The following FAM135A variants were observed in gnomAD, a reference collection of about 807,000 sequenced individuals.
FAM135A encodes the protein family with sequence similarity 135 member A.
A neutral mutation model predicts 146.8 loss-of-function variants in FAM135A; 79 were observed. That is an observed-to-expected ratio of 0.54 (90% CI 0.45 to 0.65). FAM135A has a LOEUF of 0.65. Among genes scored for constraint, FAM135A ranks in the 30% least tolerant of loss-of-function variants. The pLI is 0.00. For synonymous variants in FAM135A, 562 were observed against 603.6 expected, an observed-to-expected ratio of 0.93 and a Z score of 1.01; for missense variants, 1,623 against 1,758.2, an observed-to-expected ratio of 0.92 and a Z score of 1.38.
At chr6:70,444,409 AT>A (rs1161033673) in intron 4 of FAM135A, among the ~76,000 whole-genome samples, 6 of 81,558 alleles carry the variant, frequency 7.4e-5, no homozygotes, top group South Asian at 5.9e-4. Context: ...TCTCAAAAAA[AT>A]AAATAAATAA....
At chr6:70,435,109 A>ATATATATATAT (rs1476331313) in intron 4 of FAM135A, among the ~76,000 whole-genome samples, 1 of 64,748 alleles carries the variant, frequency 1.5e-5, no homozygotes, top group Non-Finnish European at 3.5e-5. Flanking sequence ...ATATATATAT[A>ATATATATATAT]TTTTTTTTTT....
chr6:70,480,784 C>A, intron 8 of FAM135A, 117 bp from the exon 9 acceptor site: 1 of 916,072 alleles, frequency 1.1e-6, no homozygotes, highest in Non-Finnish European at 1.5e-6. Flanking sequence ...TACTTTTGAA[C>A]TTATAAACTT....
rs747626293 is a variant in FAM135A at position 70,526,038 on chromosome 6, C to T, written c.2954C>T (p.Ser985Phe). ...GTPCVISGSI[S>F]SNTDVSEDRT... is the part of the protein sequence containing the mutation. ...CCTTGTGTCATTTCAGGTTCCATTT[C>T]TAGTAATACAGATGTTAGTGAAGAT... Residue 985 changes from serine (S) to phenylalanine (F), a missense_variant, in exon 15 of 22, where the codon TCT (serine) becomes TTT (phenylalanine). This residue lies in a region of FAM135A where 1,061 missense variants were observed against 1,113.8 expected (regional missense o/e 0.95). Transcript: ENST00000418814. The T allele has an allele frequency of 1.4e-5, 22 of 1,611,806 alleles. No homozygotes were observed. The highest frequency in any genetic ancestry group is 1.7e-5 in the Non-Finnish European group (20 of 1,179,240).
At chr6:70,530,400 TGAA>T (rs902408944) in intron 16 of FAM135A, among the ~76,000 whole-genome samples, 12 of 152,182 alleles carry the variant, frequency 7.9e-5, no homozygotes, top group Non-Finnish European at 1.5e-4. Context: ...ACTTTTAAAA[TGAA>T]GAATAAAAGA....
chr6:70,490,913 AAATTT>A (rs1334349558), intron 10 of FAM135A, 116 bp from the exon 11 acceptor site: 1 of 533,814 alleles, frequency 1.9e-6, no homozygotes, highest in African/African-American at 2.0e-5. Context: ...TGTTACCTTG[AAATTT>A]AATTCATTGA....
In FAM135A at chr6:70,526,496, C is replaced by A. The variant is rs1794713266; in HGVS notation, c.3412C>A (p.Leu1138Met). 3 of 1,613,436 alleles carry A rather than the reference C, an allele frequency of 1.9e-6. No homozygotes were observed. Among genetic ancestry groups the A allele is most frequent in the Non-Finnish European group, 2.5e-6 (3 of 1,179,710 alleles). Reference sequence around the variant, plus strand: ...ATCTGAAAAAATAAACAGTGACTATCTGAGAGATGGTATAAACATGCCTAC... The same window carrying A: ...ATCTGAAAAAATAAACAGTGACTATATGAGAGATGGTATAAACATGCCTAC... Reference protein sequence around the residue: ...TKSEKINSDYLRDGINMPTVC... With the variant: ...TKSEKINSDYMRDGINMPTVC... The change falls in exon 15 of 22, where the codon CTG (leucine) becomes ATG (methionine). Residue 1138 changes from leucine (L) to methionine (M), a missense_variant. Leu to Met is a conservative substitution (Grantham distance 15). Around this residue, in one of 7 missense-constraint regions of FAM135A, gnomAD observed 1,061 missense variants for 1,113.8 expected, o/e 0.95. Coordinates refer to ENST00000418814, the MANE Select transcript of FAM135A (RefSeq NM_001162529.3).
intron 1 of FAM135A, 184 bp downstream of exon 1, chr6:70,413,886 G>A: frequency 1.0e-6 from 1 of 985,410 alleles, no homozygotes; most frequent in Non-Finnish European, 1.2e-6. Context: ...AAGGTCGGTG[G>A]GGACGGCGGT....
chr6:70,452,476 G>T lies in FAM135A; in HGVS notation c.78-16G>T. The T allele has an allele frequency of 6.3e-7, 1 of 1,578,012 alleles. No homozygotes were observed. The highest frequency in any genetic ancestry group is 8.6e-7 in the Non-Finnish European group (1 of 1,160,502). ...AAATATGTTTTGAAATAACTTCCTTGTTTATTTTGCTTTAGTTTTTACCAG... is the reference window on the plus strand; with the variant it reads ...AAATATGTTTTGAAATAACTTCCTTTTTTATTTTGCTTTAGTTTTTACCAG... On this transcript the variant is annotated splice_polypyrimidine_tract_variant and intron_variant, in intron 4 of 21. Transcript: ENST00000418814.
chr6:70,504,324 T>C (rs1789230733), intron 12 of FAM135A: 1 of 152,232 alleles, frequency 6.6e-6, no homozygotes, highest in Admixed American at 6.5e-5. Flanking sequence ...ATAACTTTTT[T>C]CTTCTTTATT....
chr6:70,503,470 A>G (rs989304892), intron 12 of FAM135A: 15 of 152,132 alleles, frequency 9.9e-5, no homozygotes, highest in Non-Finnish European at 1.6e-4. Flanking sequence ...CATAACACAT[A>G]AAGTCAGAAA....
chr6:70,512,349 C>T (rs951077750), intron 12 of FAM135A, among the ~76,000 whole-genome samples: 6 of 151,802 alleles, frequency 4.0e-5, no homozygotes, highest in African/African-American at 1.4e-4. Context: ...TTTTTGTGAA[C>T]ATAAGTTTTT....
In FAM135A at chr6:70,477,210, G is replaced by A. The variant is rs1162528082; in HGVS notation, c.420G>A (p.Leu140=). ...TAATAAGTAGCCGAACATTGAAGCT[G>A]CACTTTAGCCCCCATAGAGGCCTTC... The part of the protein sequence containing the change: ...LQLISSRTLK[L]HFSPHRGLHH... The change falls in exon 8 of 22, where the codon CTG becomes CTA. Residue 140 remains leucine, a synonymous_variant. Transcript: ENST00000418814. 1 of 1,613,414 alleles carries A rather than the reference G, an allele frequency of 6.2e-7. No individual in the cohort carries two copies. Among genetic ancestry groups the A allele is most frequent in the Admixed American group, 1.7e-5 (1 of 59,946 alleles).
At chr6:70,542,038 C>A (rs758916857) in intron 20 of FAM135A, among the ~76,000 whole-genome samples, 2 of 152,092 alleles carry the variant, frequency 1.3e-5, no homozygotes, top group South Asian at 2.1e-4. Context: ...ATGTATACCC[C>A]CTTCTCCCCA....
chr6:70,426,924 A>G (rs1050425677), intron 3 of FAM135A, among the ~76,000 whole-genome samples: 15 of 152,172 alleles, frequency 9.9e-5, no homozygotes, highest in African/African-American at 3.1e-4. Flanking sequence ...ATAAGACACT[A>G]TCTCTGACTT....
At chr6:70,414,635 G>A (rs746896912) in intron 1 of FAM135A, among the ~76,000 whole-genome samples, 2 of 151,704 alleles carry the variant, frequency 1.3e-5, no homozygotes, top group Non-Finnish European at 2.9e-5. Context: ...TTCTGCCTAA[G>A]CTAGGTATCC....
chr6:70,539,202 C>T (rs896399525), intron 20 of FAM135A, among the ~76,000 whole-genome samples: 4 of 152,112 alleles, frequency 2.6e-5, no homozygotes, highest in Admixed American at 6.6e-5. Context: ...TTGCCGCTTA[C>T]TTCTGAAAGT....
At chr6:70,422,487 A>C (rs537898895) in intron 2 of FAM135A, among the ~76,000 whole-genome samples, 16 of 152,294 alleles carry the variant, frequency 1.1e-4, no homozygotes, top group African/African-American at 3.4e-4. Context: ...CATTATGTAT[A>C]TATATGTACA....
At position 70,526,109 on chromosome 6, in the gene FAM135A, T is replaced by C. The variant is rs987161597; in HGVS notation, c.3025T>C (p.Tyr1009His). ...TGATGTATTAAATCTCACACAGATG[T>C]ATTCAGAAATCCCTACAGTTGAAAG... ...NSDVLNLTQM[Y>H]SEIPTVESET... Residue 1009 changes from tyrosine to histidine, a missense_variant, in exon 15 of 22, where the codon TAT becomes CAT. This residue lies in a region of FAM135A where 1,061 missense variants were observed against 1,113.8 expected (regional missense o/e 0.95). Coordinates refer to ENST00000418814, the MANE Select transcript of FAM135A (RefSeq NM_001162529.3). 1.2e-6 allele frequency: 2 copies of C among 1,613,366 alleles called. No homozygotes were observed. Among genetic ancestry groups the C allele is most frequent in the Admixed American group, 3.3e-5 (2 of 59,962 alleles).
intron 2 of FAM135A, among the ~76,000 whole-genome samples, chr6:70,423,455 G>C (rs959234262): frequency 3.3e-5 from 5 of 152,148 alleles, no homozygotes; most frequent in Non-Finnish European, 7.3e-5. Context: ...CGGTAATCCA[G>C]AATTTGTCCA....
Sources: allele counts gnomAD v4.1 joint callset (sites outside exome capture counted in the v4.1 genomes callset), GRCh38; gene constraint gnomAD v4.1.1; regional missense constraint gnomAD v4.1.1; transcripts MANE v1.5; gene names NCBI Gene and HGNC (gene_info 2026-07-23, HGNC 2026-07-21).